Variants in OR1J2 observed in about 807,000 individuals in gnomAD.
OR1J2 encodes the protein olfactory receptor 1J2.
For missense variants in OR1J2, 304 were observed against 246.1 expected (o/e 1.24, Z -1.57); for synonymous variants, 142 against 99.7 (o/e 1.42, Z -2.52).
chr9:122,547,165 GA>G, the OR1J2 span, among the ~76,000 whole-genome samples: 2 of 151,782 alleles, frequency 1.3e-5, no homozygotes, highest in Middle Eastern at 3.4e-3. Context: ...GACTAGTAAA[GA>G]AAAAAAGTAC....
chr9:122,541,850 C>T, the OR1J2 span, among the ~76,000 whole-genome samples: 10 of 152,142 alleles, frequency 6.6e-5, no homozygotes, highest in Non-Finnish European at 1.2e-4. Flanking sequence ...TATTTGGTTA[C>T]GGCATATATC....
chr9:122,493,734 G>C, the OR1J2 span, among the ~76,000 whole-genome samples: 1 of 151,964 alleles, frequency 6.6e-6, no homozygotes, highest in Admixed American at 6.6e-5. Context: ...TTCTTCTGCT[G>C]GTTGTGGGTT....
At chr9:122,541,201 C>T in the OR1J2 span, among the ~76,000 whole-genome samples, 1 of 152,144 alleles carries the variant, frequency 6.6e-6, no homozygotes, top group Non-Finnish European at 1.5e-5. Context: ...CTGTTCAACT[C>T]TGTGCAGGGC....
At chr9:122,500,221 A>G in the OR1J2 span, among the ~76,000 whole-genome samples, 8 of 152,152 alleles carry the variant, frequency 5.3e-5, no homozygotes, top group African/African-American at 1.9e-4. Context: ...TTTTCCTCAC[A>G]GTGTCTCCAA....
the OR1J2 span, among the ~76,000 whole-genome samples, chr9:122,570,837 T>C: frequency 3.9e-5 from 6 of 152,294 alleles, no homozygotes; most frequent in Admixed American, 2.0e-4. Flanking sequence ...TTATTGAAAA[T>C]GTATTAGTAT....
chr9:122,568,246 C>T, the OR1J2 span: 40 of 1,613,998 alleles, frequency 2.5e-5, no homozygotes, highest in Middle Eastern at 4.9e-4. Flanking sequence ...TTGGGGACAA[C>T]GCTTGTTGTA....
the OR1J2 span, among the ~76,000 whole-genome samples, chr9:122,469,214 C>G: frequency 1.3e-5 from 2 of 152,152 alleles, no homozygotes; most frequent in Non-Finnish European, 2.9e-5. Flanking sequence ...CTCTGTGTCC[C>G]CACCCAAATC....
At chr9:122,521,042 C>G in the OR1J2 span, among the ~76,000 whole-genome samples, 1 of 152,156 alleles carries the variant, frequency 6.6e-6, no homozygotes, top group Non-Finnish European at 1.5e-5. Context: ...CTCTATATAC[C>G]AGGGTGGTGG....
At chr9:122,470,587 A>G in the OR1J2 span, among the ~76,000 whole-genome samples, 1 of 152,202 alleles carries the variant, frequency 6.6e-6, no homozygotes, top group Admixed American at 6.5e-5. Context: ...ACATTGGCCT[A>G]GTGGAGCTGT....
At chr9:122,569,831 G>A in the OR1J2 span, among the ~76,000 whole-genome samples, 2 of 134,846 alleles carry the variant, frequency 1.5e-5, no homozygotes, top group African/African-American at 5.7e-5. Flanking sequence ...CCTCCCCCCT[G>A]CCCCCACCCC....
At chr9:122,531,078 T>TG in the OR1J2 span, among the ~76,000 whole-genome samples, 1 of 152,046 alleles carries the variant, frequency 6.6e-6, no homozygotes, top group Non-Finnish European at 1.5e-5. Context: ...GAAAATTTTT[T>TG]GGGGGTGGTA....
the OR1J2 span, among the ~76,000 whole-genome samples, chr9:122,525,662 A>C: frequency 5.9e-5 from 9 of 152,122 alleles, no homozygotes; most frequent in Non-Finnish European, 1.3e-4. Flanking sequence ...GTGGCATTGC[A>C]CGTTTCTGAC....
the OR1J2 span, among the ~76,000 whole-genome samples, chr9:122,559,224 G>C: frequency 0.27 from 41,156 of 151,894 alleles, 5,763 homozygotes; most frequent in Middle Eastern, 0.35. Context: ...TCTTCAGCTT[G>C]TAGTAACCAC....
chr9:122,557,893 A>C, the OR1J2 span, among the ~76,000 whole-genome samples: 1 of 152,006 alleles, frequency 6.6e-6, no homozygotes, highest in Admixed American at 6.5e-5. Context: ...TCTTTAATAG[A>C]AATAGGCCTG....
chr9:122,567,831 G>A, the OR1J2 span: 6 of 1,613,944 alleles, frequency 3.7e-6, no homozygotes, highest in Non-Finnish European at 5.1e-6. Context: ...ATAAGAGAAA[G>A]CAATGCAGAG....
chr9:122,459,698 T>C, the OR1J2 span, among the ~76,000 whole-genome samples: 8 of 152,180 alleles, frequency 5.3e-5, no homozygotes, highest in Admixed American at 2.0e-4. Context: ...CAGTACTCTT[T>C]AAAAAAATTT....
At chr9:122,489,373 C>G in the OR1J2 span, among the ~76,000 whole-genome samples, 7 of 152,072 alleles carry the variant, frequency 4.6e-5, no homozygotes, top group African/African-American at 1.7e-4. Flanking sequence ...AGATACAAAA[C>G]TCACCAGACT....
chr9:122,580,105 G>A, the OR1J2 span, among the ~76,000 whole-genome samples: 2 of 151,920 alleles, frequency 1.3e-5, no homozygotes, highest in African/African-American at 4.8e-5. Flanking sequence ...TTCAGCTGCC[G>A]CTCCTAAAGC....
chr9:122,511,783 A>G (rs761557368), downstream of OR1J2: 6 of 774,716 alleles, frequency 7.7e-6, no homozygotes, highest in African/African-American at 6.8e-5. Flanking sequence ...ATTTTGGTTT[A>G]TCTCATGTAT....
Sources: gnomAD v4.1 joint callset for allele counts (sites outside exome capture counted in the v4.1 genomes callset) on GRCh38, gnomAD v4.1.1 for gene constraint, MANE v1.5 for transcripts, NCBI Gene and HGNC (gene_info 2026-07-23, HGNC 2026-07-21) for gene names.